DLG2: variants seen among roughly 807,000 people sequenced by gnomAD.
DLG2 encodes the protein discs large MAGUK scaffold protein 2.
In DLG2, 45 loss-of-function variants were observed where a neutral mutation model predicts 132.5. That is an observed-to-expected ratio of 0.34 (90% CI 0.27 to 0.44). The LOEUF (loss-of-function observed/expected upper bound fraction) is 0.44. Among genes scored for constraint, DLG2 ranks in the 20% least tolerant of loss-of-function variants. The pLI, the probability that DLG2 is intolerant of heterozygous loss-of-function variation, is 1.00. For missense variants in DLG2, 1,045 were observed against 1,196.9 expected (o/e 0.87, Z 1.87); for synonymous variants, 424 against 419.6 (o/e 1.01, Z -0.13).
At chr11:84,396,330 G>T (rs977360811) in intron 7 of DLG2, among the ~76,000 whole-genome samples, 1 of 152,028 alleles carries the variant, frequency 6.6e-6, no homozygotes, top group East Asian at 1.9e-4. Flanking sequence ...AATGAGAGAC[G>T]TTACCAGCAA....
Position 83,541,748 on chromosome 11 carries a change from C to T in DLG2, c.2051G>A (p.Trp684Ter). ...HVINASDDEW[W>*]QARRVMLEGD... is the part of the protein sequence containing the mutation. ...CTCCAGCATGACTCTCCTGGCTTGC[C>T]ACCACTCATCATCAGAGGCATTGAT... is the stretch of plus-strand genomic sequence containing the variant. Residue 684 changes from tryptophan to a stop codon, truncating the protein, a stop_gained, in exon 20 of 28, where the codon TGG (tryptophan) becomes TAG (stop). Transcript: ENST00000376104. LOFTEE classifies it high-confidence loss of function. The T allele has an allele frequency of 6.2e-7, 1 of 1,613,344 alleles. No individual in the cohort carries two copies. The highest frequency in any genetic ancestry group is 8.5e-7 in the Non-Finnish European group (1 of 1,179,564).
intron 3 of DLG2, chr11:85,453,470 A>C (rs1024380098): frequency 1.3e-5 from 2 of 157,186 alleles, no homozygotes; most frequent in African/African-American, 4.8e-5. Context: ...ATTTCGGTGG[A>C]TATATCCCAC....
intron 3 of DLG2, among the ~76,000 whole-genome samples, chr11:85,460,179 C>T (rs571677433): frequency 6.6e-6 from 1 of 152,296 alleles, no homozygotes; most frequent in South Asian, 2.1e-4. Flanking sequence ...GCTGCTCAGC[C>T]CTCTGGATTC....
At chr11:84,589,038 C>T (rs1476382011) in intron 6 of DLG2, among the ~76,000 whole-genome samples, 1 of 152,130 alleles carries the variant, frequency 6.6e-6, no homozygotes, top group African/African-American at 2.4e-5. Flanking sequence ...CAAAGACTAA[C>T]TCCAGGTAAG....
At chr11:83,562,240 C>T (rs188359990) in intron 19 of DLG2, among the ~76,000 whole-genome samples, 1 of 152,120 alleles carries the variant, frequency 6.6e-6, no homozygotes, top group East Asian at 1.9e-4. Flanking sequence ...CTTAAAGTGA[C>T]TCTTTATATA....
intron 6 of DLG2, among the ~76,000 whole-genome samples, chr11:84,859,631 C>G (rs1255298316): frequency 5.9e-5 from 9 of 151,494 alleles, no homozygotes; most frequent in Admixed American, 5.9e-4. Context: ...GTAAACATAG[C>G]AGAATATGCA....
At chr11:85,435,010 G>A (rs2091402005) in intron 3 of DLG2, among the ~76,000 whole-genome samples, 1 of 152,184 alleles carries the variant, frequency 6.6e-6, no homozygotes, top group Non-Finnish European at 1.5e-5. Flanking sequence ...TGCAAGGCTG[G>A]TTCAACATAT....
At chr11:84,480,326 T>TG (rs369773951) in intron 7 of DLG2, among the ~76,000 whole-genome samples, 15 of 152,242 alleles carry the variant, frequency 9.9e-5, no homozygotes, top group African/African-American at 3.4e-4. Context: ...TCAGTATGTA[T>TG]GGAGCTGCAG....
chr11:83,656,761 T>C (rs2072582511), intron 18 of DLG2, among the ~76,000 whole-genome samples: 1 of 152,220 alleles, frequency 6.6e-6, no homozygotes, highest in African/African-American at 2.4e-5. Context: ...TGAATTAAAA[T>C]ATTAATATGT....
intron 17 of DLG2, among the ~76,000 whole-genome samples, chr11:83,831,571 TC>T (rs1343987438): frequency 1.3e-5 from 2 of 151,984 alleles, no homozygotes; most frequent in African/African-American, 2.4e-5. Flanking sequence ...AGAGAGATTT[TC>T]CCATTTTTTG....
chr11:85,169,898 G>A (rs910103193), intron 4 of DLG2, among the ~76,000 whole-genome samples: 1 of 152,054 alleles, frequency 6.6e-6, no homozygotes, highest in Non-Finnish European at 1.5e-5. Context: ...GCATGTCAAA[G>A]AGCTATACTT....
intron 5 of DLG2, among the ~76,000 whole-genome samples, chr11:85,119,114 A>G (rs1371675263): frequency 6.6e-6 from 1 of 151,964 alleles, no homozygotes; most frequent in Admixed American, 6.6e-5. Flanking sequence ...AAAGTACATG[A>G]AAGCGCTTAG....
chr11:84,802,110 G>GAAA (rs2075461180), intron 6 of DLG2, among the ~76,000 whole-genome samples: 1 of 141,334 alleles, frequency 7.1e-6, no homozygotes. Flanking sequence ...AAAAAAAAAA[G>GAAA]CAAAAAAAAA....
chr11:84,279,844 G>T (rs1274824360), intron 7 of DLG2, among the ~76,000 whole-genome samples: 1 of 152,142 alleles, frequency 6.6e-6, no homozygotes, highest in East Asian at 1.9e-4. Flanking sequence ...AGAATTAGGA[G>T]CATTTATTAA....
chr11:85,082,744 T>C (rs796110610), intron 6 of DLG2, among the ~76,000 whole-genome samples: 4 of 148,900 alleles, frequency 2.7e-5, no homozygotes, highest in African/African-American at 9.8e-5. Flanking sequence ...TCTTTTTTTT[T>C]TTTTTTTTTT....
At chr11:85,511,948 G>T in intron 3 of DLG2, among the ~76,000 whole-genome samples, 1 of 152,004 alleles carries the variant, frequency 6.6e-6, no homozygotes, top group East Asian at 1.9e-4. Context: ...GCCCAGGCTG[G>T]TAAACCTTTG....
At chr11:83,475,256 G>A (rs898640537) in intron 22 of DLG2, among the ~76,000 whole-genome samples, 15 of 152,238 alleles carry the variant, frequency 9.9e-5, no homozygotes, top group African/African-American at 3.1e-4. Flanking sequence ...TGGGTAATGA[G>A]GAAGAGACAA....
chr11:84,301,279 AG>A (rs1453265388), intron 7 of DLG2, among the ~76,000 whole-genome samples: 7 of 152,156 alleles, frequency 4.6e-5, no homozygotes, highest in Non-Finnish European at 1.0e-4. Flanking sequence ...ACATGAAAAA[AG>A]CTCATCATCA....
chr11:84,369,554 T>A (rs971261603), intron 7 of DLG2, among the ~76,000 whole-genome samples: 1 of 152,058 alleles, frequency 6.6e-6, no homozygotes, highest in Non-Finnish European at 1.5e-5. Flanking sequence ...CGGGCAGACA[T>A]ACACACAAGG....
Sources: allele counts gnomAD v4.1 joint callset (sites outside exome capture counted in the v4.1 genomes callset), GRCh38; gene constraint gnomAD v4.1.1; transcripts MANE v1.5; gene names NCBI Gene and HGNC (gene_info 2026-07-23, HGNC 2026-07-21).